Variants in KIAA1217 observed in about 807,000 individuals in gnomAD.
KIAA1217 encodes sickle tail protein homolog.
Under a neutral mutation model 163.9 loss-of-function variants are expected in KIAA1217, and 88 were observed. That is an observed-to-expected ratio of 0.54 (90% CI 0.45 to 0.64). KIAA1217 has a LOEUF of 0.64. Among genes scored for constraint, KIAA1217 ranks in the 30% least tolerant of loss-of-function variants. The pLI is 0.00. For missense variants in KIAA1217, 2,372 were observed against 2,475.0 expected, an observed-to-expected ratio of 0.96 and a Z score of 0.88; for synonymous variants, 903 against 923.1, an observed-to-expected ratio of 0.98 and a Z score of 0.39.
At chr10:24,526,769 A>C (rs1171157639) in intron 13 of KIAA1217, among the ~76,000 whole-genome samples, 1 of 152,174 alleles carries the variant, frequency 6.6e-6, no homozygotes, top group Non-Finnish European at 1.5e-5. Context: ...TCTGCCCTCA[A>C]GACACTTACC....
chr10:23,777,537 AC>A (rs1835058258), intron 1 of KIAA1217, among the ~76,000 whole-genome samples: 1 of 152,232 alleles, frequency 6.6e-6, no homozygotes, highest in East Asian at 1.9e-4. Flanking sequence ...AATCAAAGAA[AC>A]AAAGGTTAGA....
chr10:24,176,843 C>A (rs936381947), intron 2 of KIAA1217, among the ~76,000 whole-genome samples: 2 of 152,118 alleles, frequency 1.3e-5, no homozygotes, highest in Admixed American at 6.5e-5. Context: ...TCAGGCATGG[C>A]GAGCTGCAGG....
chr10:24,187,280 A>G (rs773230099), intron 2 of KIAA1217, among the ~76,000 whole-genome samples: 8 of 152,028 alleles, frequency 5.3e-5, no homozygotes, highest in Admixed American at 2.0e-4. Flanking sequence ...GTATTTGCTC[A>G]TATAACCTTT....
At chr10:23,735,007 A>G (rs1231734029) in intron 1 of KIAA1217, among the ~76,000 whole-genome samples, 27 of 152,068 alleles carry the variant, frequency 1.8e-4, no homozygotes, top group Admixed American at 1.7e-3. Context: ...TTCCCCTCTA[A>G]AGAAAATATC....
intron 11 of KIAA1217, among the ~76,000 whole-genome samples, chr10:24,520,652 ATAT>A (rs1253194818): frequency 5.8e-5 from 4 of 68,966 alleles, no homozygotes; most frequent in African/African-American, 2.5e-4. Context: ...AAAAAAAAAA[ATAT>A]ATATATATAT....
At position 24,234,656 on chromosome 10, in the gene KIAA1217, C is replaced by CAAAAA. The variant is rs71397938; in HGVS notation, c.354+14766_354+14770dup. On this transcript the variant is annotated intron_variant, in intron 2 of 20. Coordinates refer to ENST00000376454, the MANE Select transcript of KIAA1217 (RefSeq NM_019590.5). The stretch of plus-strand genomic sequence containing the variant: ...CCTGGGTGACAGAGCAAAACTGTCT[C>CAAAAA]AAAAAAAAAAAAAAAAAAAAAAAGA... 1.5e-3 allele frequency among the ~76,000 whole-genome samples: 109 copies of CAAAAA among 73,342 alleles called. No homozygotes were observed. The East Asian group carries it at 0.039, about 26-fold the overall frequency. 48.1% of individuals were successfully genotyped at this position (73,342 alleles called of 152,430 possible).
At position 24,428,351 on chromosome 10, in the gene KIAA1217, G is replaced by C. The variant is rs75841408; in HGVS notation, c.554-4644G>C. On this transcript the variant is annotated intron_variant, in intron 3 of 20. Transcript: ENST00000376454. ...CAGACAGGCTTAAAAGGTATTCTCC[G>C]CATTCTGAGGAATTTGTAACAGCAT... Among the ~76,000 whole-genome samples, 1,362 of 152,248 alleles carry C rather than the reference G, an allele frequency of 8.9e-3. 11 individuals carry two copies. Among genetic ancestry groups the C allele is most frequent in the Middle Eastern group, 0.044 (13 of 294 alleles).
intron 2 of KIAA1217, among the ~76,000 whole-genome samples, chr10:24,264,163 A>G (rs1265207989): frequency 1.3e-5 from 2 of 152,226 alleles, no homozygotes; most frequent in East Asian, 3.9e-4. Context: ...CCAGCCCATC[A>G]CACACTCTAA....
chr10:24,031,075 C>G (rs1848168736), intron 2 of KIAA1217, among the ~76,000 whole-genome samples: 1 of 152,136 alleles, frequency 6.6e-6, no homozygotes, highest in African/African-American at 2.4e-5. Flanking sequence ...TATGGTAATT[C>G]TAAGTTTAAT....
chr10:24,354,001 T>C (rs771305701), intron 2 of KIAA1217, among the ~76,000 whole-genome samples: 45 of 152,346 alleles, frequency 3.0e-4, no homozygotes, highest in Admixed American at 5.2e-4. Context: ...TTCTGATGGT[T>C]TCTCCACGGA....
intron 9 of KIAA1217, among the ~76,000 whole-genome samples, chr10:24,510,099 A>T (rs1344359337): frequency 6.6e-6 from 1 of 152,118 alleles, no homozygotes. Context: ...GTAGCTGTGA[A>T]CAAAATGGCA....
intron 2 of KIAA1217, among the ~76,000 whole-genome samples, chr10:24,102,318 A>C (rs1209511716): frequency 2.6e-5 from 4 of 152,354 alleles, no homozygotes; most frequent in Admixed American, 2.6e-4. Context: ...GAAATATTTA[A>C]GTATAAAACT....
intron 2 of KIAA1217, among the ~76,000 whole-genome samples, chr10:24,083,606 T>C (rs1276930727): frequency 2.0e-5 from 3 of 152,230 alleles, no homozygotes; most frequent in African/African-American, 7.2e-5. Context: ...AATGGAGAAA[T>C]AGCACTTTAA....
chr10:24,431,502 ACCACTCCCAAGACGGCTCAT>A (rs968824823), intron 3 of KIAA1217, among the ~76,000 whole-genome samples: 1 of 151,990 alleles, frequency 6.6e-6, no homozygotes, highest in African/African-American at 2.4e-5. Flanking sequence ...GGCTGGGGAG[ACCACTCCCAAGACGGCTCAT>A]CCACATAACC....
At chr10:23,931,492 T>C (rs757420110) in intron 1 of KIAA1217, among the ~76,000 whole-genome samples, 2 of 152,182 alleles carry the variant, frequency 1.3e-5, no homozygotes, top group Non-Finnish European at 2.9e-5. Context: ...CTGATCATAG[T>C]GTGAGCTTTA....
chr10:23,997,076 AT>A (rs1846520991), intron 1 of KIAA1217, among the ~76,000 whole-genome samples: 1 of 152,212 alleles, frequency 6.6e-6, no homozygotes, highest in African/African-American at 2.4e-5. Flanking sequence ...TTCGAAGGTG[AT>A]TCCCAAGTCT....
intron 17 of KIAA1217, among the ~76,000 whole-genome samples, chr10:24,541,642 A>T (rs2075104318): frequency 6.6e-6 from 1 of 152,190 alleles, no homozygotes; most frequent in African/African-American, 2.4e-5. Flanking sequence ...CCGACAAGGC[A>T]TCACTAGTGT....
chr10:24,269,294 GAGA>G lies in KIAA1217; in HGVS notation c.354+49389_354+49391del, dbSNP rs370185650. Among the ~76,000 whole-genome samples the G allele has an allele frequency of 4.4e-3, 666 of 151,572 alleles. 6 individuals carry two copies. The highest frequency in any genetic ancestry group is 0.015 in the African/African-American group (636 of 41,286). ...TCTCAACAGTTTGGGAGACCGAGGT[GAGA>G]AGATCACTGGAGGCCAGGAGTTTGA... On this transcript the variant is annotated intron_variant, in intron 2 of 20. Transcript: ENST00000376454.
At chr10:23,915,382 A>G (rs1369415691) in intron 1 of KIAA1217, among the ~76,000 whole-genome samples, 1 of 152,166 alleles carries the variant, frequency 6.6e-6, no homozygotes, top group Non-Finnish European at 1.5e-5. Flanking sequence ...TGGATGTTTC[A>G]TACAGGCTTT....
Sources: allele counts gnomAD v4.1 joint callset (sites outside exome capture counted in the v4.1 genomes callset), GRCh38; gene constraint gnomAD v4.1.1; transcripts MANE v1.5; gene names NCBI Gene and HGNC (gene_info 2026-07-23, HGNC 2026-07-21).